Variants in TNR observed in about 807,000 individuals in gnomAD.
The protein encoded by TNR is tenascin-R.
In TNR, 45 loss-of-function variants were observed where a neutral mutation model predicts 150.4. That is an observed-to-expected ratio of 0.30 (90% CI 0.24 to 0.38). The LOEUF is 0.38. Among genes scored for constraint, TNR ranks in the 10% least tolerant of loss-of-function variants. TNR has a pLI of 1.00. For missense variants in TNR, 1,544 were observed against 1,759.1 expected (o/e 0.88, Z 2.19); for synonymous variants, 687 against 678.4 (o/e 1.01, Z -0.20).
At chr1:175,589,930 G>C (rs1662731811) in intron 1 of TNR, among the ~76,000 whole-genome samples, 1 of 152,092 alleles carries the variant, frequency 6.6e-6, no homozygotes, top group African/African-American at 2.4e-5. Flanking sequence ...AAACCACCAT[G>C]GCATGTGTAT....
intron 1 of TNR, among the ~76,000 whole-genome samples, chr1:175,690,272 G>T (rs929993063): frequency 3.3e-5 from 5 of 152,236 alleles, no homozygotes; most frequent in Non-Finnish European, 7.3e-5. Flanking sequence ...GACAAAGACA[G>T]ATGAGGTCTC....
chr1:175,485,334 T>G (rs1657966743), intron 2 of TNR, among the ~76,000 whole-genome samples: 1 of 152,104 alleles, frequency 6.6e-6, no homozygotes, highest in Non-Finnish European at 1.5e-5. Context: ...GACAAAGACG[T>G]AAGTAGCAAA....
intron 1 of TNR, among the ~76,000 whole-genome samples, chr1:175,698,408 AG>A: frequency 6.6e-6 from 1 of 152,142 alleles, no homozygotes; most frequent in East Asian, 1.9e-4. Flanking sequence ...CTCTATATAG[AG>A]GGGACAGTGA....
chr1:175,483,430 G>A (rs1472726362), intron 2 of TNR, among the ~76,000 whole-genome samples: 1 of 152,202 alleles, frequency 6.6e-6, no homozygotes, highest in East Asian at 1.9e-4. Flanking sequence ...ACATGTCCCA[G>A]CAAGGGCTCC....
intron 1 of TNR, among the ~76,000 whole-genome samples, chr1:175,709,296 CACACACACACAT>C (rs1406253381): frequency 1.2e-3 from 176 of 143,498 alleles, no homozygotes; most frequent in African/African-American, 4.8e-3. Flanking sequence ...CTTGCTTTCA[CACACACACACAT>C]ACACACACAC....
chr1:175,714,998 C>T (rs1667115590), intron 1 of TNR, among the ~76,000 whole-genome samples: 1 of 152,212 alleles, frequency 6.6e-6, no homozygotes, highest in Non-Finnish European at 1.5e-5. Flanking sequence ...CTCTCCCAGG[C>T]TCTTGACTCA....
At chr1:175,532,823 A>C (rs1021153232) in intron 1 of TNR, among the ~76,000 whole-genome samples, 3 of 152,118 alleles carry the variant, frequency 2.0e-5, no homozygotes, top group Non-Finnish European at 4.4e-5. Context: ...GTGGGCTTCT[A>C]CAAGGGTGCT....
intron 2 of TNR, among the ~76,000 whole-genome samples, chr1:175,453,287 GA>G (rs1656406275): frequency 6.6e-6 from 1 of 152,072 alleles, no homozygotes; most frequent in Admixed American, 6.5e-5. Flanking sequence ...ACGTGTTTTG[GA>G]AATAAAGCTG....
chr1:175,357,805 A>G (rs1571333628), intron 15 of TNR, among the ~76,000 whole-genome samples: 1 of 152,226 alleles, frequency 6.6e-6, no homozygotes, highest in African/African-American at 2.4e-5. Flanking sequence ...TCTCTGCAAC[A>G]TCATTAGAAG....
intron 7 of TNR, among the ~76,000 whole-genome samples, chr1:175,389,355 T>C (rs1053866059): frequency 2.0e-5 from 3 of 152,162 alleles, no homozygotes; most frequent in Non-Finnish European, 4.4e-5. Flanking sequence ...AAGCAAGCCA[T>C]AAAACCTAGA....
At chr1:175,503,567 A>C (rs1284689142) in intron 2 of TNR, among the ~76,000 whole-genome samples, 1 of 152,116 alleles carries the variant, frequency 6.6e-6, no homozygotes, top group Non-Finnish European at 1.5e-5. Context: ...GAGAAGCTGC[A>C]CGATTAGGTA....
intron 2 of TNR, among the ~76,000 whole-genome samples, chr1:175,427,133 C>G (rs1256571004): frequency 6.6e-6 from 1 of 150,464 alleles, no homozygotes; most frequent in East Asian, 1.9e-4. Context: ...TTGTTCTATT[C>G]TCCTTAAAAA....
intron 1 of TNR, among the ~76,000 whole-genome samples, chr1:175,684,848 C>T (rs1210035322): frequency 6.6e-6 from 1 of 152,174 alleles, no homozygotes; most frequent in Non-Finnish European, 1.5e-5. Context: ...ATGGTTTAAC[C>T]TAGAATTTCC....
chr1:175,554,117 T>C (rs765294808), intron 1 of TNR, among the ~76,000 whole-genome samples: 20 of 152,156 alleles, frequency 1.3e-4, no homozygotes, highest in Non-Finnish European at 2.6e-4. Context: ...GCTGCATATA[T>C]TCACTCTGTG....
intron 19 of TNR, among the ~76,000 whole-genome samples, chr1:175,336,359 C>T (rs1338131453): frequency 6.6e-6 from 1 of 152,228 alleles, no homozygotes. Flanking sequence ...AGGAGGCACA[C>T]ATATGTCAGA....
intron 2 of TNR, among the ~76,000 whole-genome samples, chr1:175,440,206 T>C (rs1655718720): frequency 6.6e-6 from 1 of 152,092 alleles, no homozygotes; most frequent in Non-Finnish European, 1.5e-5. Flanking sequence ...TAAAAGATGA[T>C]GAGTTCATGT....
intron 1 of TNR, among the ~76,000 whole-genome samples, chr1:175,669,411 T>C (rs910232354): frequency 1.3e-5 from 2 of 152,178 alleles, no homozygotes; most frequent in African/African-American, 4.8e-5. Context: ...ACATACTCCA[T>C]TACCCACATC....
intron 2 of TNR, among the ~76,000 whole-genome samples, chr1:175,443,657 G>T (rs1051689267): frequency 2.6e-5 from 4 of 152,092 alleles, no homozygotes; most frequent in African/African-American, 4.8e-5. Flanking sequence ...TTCTCTGCCA[G>T]AACCAAAGAG....
chr1:175,673,463 AG>A (rs5778867), intron 1 of TNR, among the ~76,000 whole-genome samples: 16,852 of 152,284 alleles, frequency 0.11, 1,058 homozygotes, highest in East Asian at 0.18. Context: ...CTGGATAAAC[AG>A]TTAAGTGTTT....
Sources: allele counts gnomAD v4.1 joint callset (sites outside exome capture counted in the v4.1 genomes callset), GRCh38; gene constraint gnomAD v4.1.1; transcripts MANE v1.5; gene names NCBI Gene and HGNC (gene_info 2026-07-23, HGNC 2026-07-21).